Variants in SYNJ1 observed in about 807,000 individuals in gnomAD.
The protein encoded by SYNJ1 is polyphosphatidylinositol phosphatase SYNJ1.
Under a neutral mutation model 168.2 loss-of-function variants are expected in SYNJ1, and 78 were observed. The observed-to-expected ratio is 0.46, with a 90% CI of 0.39 to 0.56. The LOEUF (loss-of-function observed/expected upper bound fraction) is 0.56, where lower values mean the gene tolerates loss of function less well. SYNJ1 is among the 20% of genes least tolerant of loss of function. SYNJ1 has a pLI of 0.00. For missense variants in SYNJ1, 1,303 were observed against 1,597.6 expected, an observed-to-expected ratio of 0.82 and a Z score of 3.14; for synonymous variants, 539 against 548.6, an observed-to-expected ratio of 0.98 and a Z score of 0.24.
chr21:32,642,481 G>A (rs1019162437), intron 27 of SYNJ1, among the ~76,000 whole-genome samples: 1 of 152,166 alleles, frequency 6.6e-6, no homozygotes, highest in South Asian at 2.1e-4. Flanking sequence ...CACAAGATGC[G>A]GCACTGCTGC....
chr21:32,716,598 C>G (rs1036465867), intron 2 of SYNJ1, among the ~76,000 whole-genome samples: 1 of 152,210 alleles, frequency 6.6e-6, no homozygotes, highest in Admixed American at 6.5e-5. Context: ...CTCTGTATCA[C>G]TGGTAAACAG....
In SYNJ1 at chr21:32,644,292, C is replaced by T. The variant is rs111333040; in HGVS notation, c.3430+676G>A. ...TTTAGCTATTCTTATCACACGCAGT[C>T]ATTAAGATCTACACACAGGCAAAGT... On this transcript the variant is annotated intron_variant, in intron 26 of 32. Coordinates refer to ENST00000674351, the MANE Select transcript of SYNJ1 (RefSeq NM_203446.3). Among the ~76,000 whole-genome samples the T allele has an allele frequency of 7.4e-5, 11 of 149,592 alleles. 1 individual carries two copies. The highest frequency in any genetic ancestry group is 2.7e-4 in the African/African-American group (11 of 40,572).
chr21:32,673,611 G>A, intron 13 of SYNJ1, 80 bp from the exon 14 acceptor site: 4 of 1,255,446 alleles, frequency 3.2e-6, no homozygotes, highest in Non-Finnish European at 4.3e-6. Flanking sequence ...GAGATACGAT[G>A]TCCGCTGGAA....
intron 14 of SYNJ1, among the ~76,000 whole-genome samples, chr21:32,671,557 T>C (rs769342937): frequency 2.6e-5 from 4 of 152,218 alleles, no homozygotes; most frequent in Non-Finnish European, 4.4e-5. Flanking sequence ...ATCCTGGCTT[T>C]GCCACTACTG....
chr21:32,673,021 A>G (rs2041264766), intron 14 of SYNJ1, among the ~76,000 whole-genome samples: 2 of 152,232 alleles, frequency 1.3e-5, no homozygotes, highest in Admixed American at 1.3e-4. Context: ...AAATAAAAAC[A>G]AAACTAGATT....
chr21:32,700,533 T>C (rs1334809657), intron 3 of SYNJ1, among the ~76,000 whole-genome samples: 1 of 152,100 alleles, frequency 6.6e-6, no homozygotes, highest in Admixed American at 6.5e-5. Flanking sequence ...TGCATGCCTG[T>C]GATCCCAGCT....
At chr21:32,670,125 G>C (rs866987508) in intron 15 of SYNJ1, among the ~76,000 whole-genome samples, 163 bp downstream of exon 15, 5 of 152,112 alleles carry the variant, frequency 3.3e-5, no homozygotes, top group Non-Finnish European at 7.4e-5. Context: ...AGTGTGCAGA[G>C]AGATCCTCAG....
rs115031883 is a variant in SYNJ1 at position 32,665,895 on chromosome 21, A to T, written c.2145+48T>A. 58 of 1,502,644 alleles carry T rather than the reference A, an allele frequency of 3.9e-5. No homozygotes were observed. In the African/African-American group the frequency reaches 7.3e-4, roughly 19 times the overall value. The allele number at this position is 1,502,644 out of a possible 1,614,324, so 93.1% of individuals were successfully genotyped here. On this transcript the variant is annotated intron_variant, in intron 17 of 32. Coordinates refer to ENST00000674351, the MANE Select transcript of SYNJ1 (RefSeq NM_203446.3). Reference sequence around the variant, plus strand: ...TTGATGTAGAATTTGGGGCAAATTAAAATATATTTCAAAGCTTTATCTTCA... The same window carrying T: ...TTGATGTAGAATTTGGGGCAAATTATAATATATTTCAAAGCTTTATCTTCA...
At chr21:32,718,634 G>A (rs1302697227) in intron 2 of SYNJ1, among the ~76,000 whole-genome samples, 2 of 151,444 alleles carry the variant, frequency 1.3e-5, no homozygotes, top group Non-Finnish European at 2.9e-5. Context: ...TATCTAAAGG[G>A]CAATCATGTT....
chr21:32,714,122 A>C (rs1384380054), intron 2 of SYNJ1, among the ~76,000 whole-genome samples: 2 of 152,220 alleles, frequency 1.3e-5, no homozygotes, highest in Non-Finnish European at 2.9e-5. Flanking sequence ...TATTTTAAAA[A>C]AATACATTTG....
chr21:32,675,660 G>A (rs1459256658), intron 13 of SYNJ1, among the ~76,000 whole-genome samples: 1 of 152,074 alleles, frequency 6.6e-6, no homozygotes, highest in African/African-American at 2.4e-5. Flanking sequence ...CATTCCTTTT[G>A]CCACAGATTC....
chr21:32,720,237 C>T (rs1031627732), intron 2 of SYNJ1, among the ~76,000 whole-genome samples: 10 of 152,194 alleles, frequency 6.6e-5, no homozygotes, highest in African/African-American at 2.4e-4. Context: ...GAAACTCTCC[C>T]TCTCAAAAAC....
chr21:32,642,891 A>AAT (rs1435710196), intron 27 of SYNJ1, among the ~76,000 whole-genome samples: 1 of 152,190 alleles, frequency 6.6e-6, no homozygotes, highest in Non-Finnish European at 1.5e-5. Flanking sequence ...TCAGCCTTTT[A>AAT]ATAACTAAAA....
At position 32,631,218 on chromosome 21, in the gene SYNJ1, C is replaced by G; in HGVS notation, c.*587G>C. On this transcript the variant is annotated 3_prime_UTR_variant, in exon 33 of 33. Transcript: ENST00000674351. ...TGGCTGATTACCCAGTAAGTCTGAA[C>G]AAGCTGACTTTGACTTCCCTTTCAC... is the stretch of plus-strand genomic sequence containing the variant. 1.2e-6 allele frequency: 2 copies of G among 1,614,166 alleles called. No individual in the cohort carries two copies. Among genetic ancestry groups the G allele is most frequent in the Non-Finnish European group, 1.7e-6 (2 of 1,180,034 alleles).
rs373921995 is a variant in SYNJ1, at chr21:32,723,661, T to A, written c.124+3111A>T. Among the ~76,000 whole-genome samples, 10 of 151,888 alleles carry A rather than the reference T, an allele frequency of 6.6e-5. No homozygotes were observed. The South Asian group carries it at 2.1e-3, about 32-fold the overall frequency. ...AGGAAGCCCCCTATCTACAAAAAAA[T>A]ACGAAAAAAATTATCTGGGCATAGT... On this transcript the variant is annotated intron_variant, in intron 2 of 32. Transcript: ENST00000674351.
rs1470723215 is a variant in SYNJ1, at chr21:32,677,929, A to C, written c.1510+716T>G. Among the ~76,000 whole-genome samples the C allele has an allele frequency of 2.6e-5, 4 of 152,178 alleles. No homozygotes were observed. The South Asian group carries it at 8.3e-4, about 31-fold the overall frequency. On this transcript the variant is annotated intron_variant, in intron 12 of 32. Transcript: ENST00000674351. ...GTGCTAAAAAGTTAAAATGGAAAAAATTTATTTTGTCAATTATACCTCAAT... is the reference window on the plus strand; with the variant it reads ...GTGCTAAAAAGTTAAAATGGAAAAACTTTATTTTGTCAATTATACCTCAAT...
In SYNJ1 at chr21:32,673,334, G is replaced by A. The variant is rs1225388121; in HGVS notation, c.1726+6C>T. 2 of 1,600,348 alleles carry A rather than the reference G, an allele frequency of 1.2e-6. No homozygotes were observed. Among genetic ancestry groups the A allele is most frequent in the Admixed American group, 1.7e-5 (1 of 57,150 alleles). ...ATTAACTAAATCCATATTATAAAAA[G>A]CCAACCTTGAAACTCCTGGATGCCA... On this transcript the variant is annotated splice_donor_region_variant and intron_variant, in intron 14 of 32. Coordinates refer to ENST00000674351, the MANE Select transcript of SYNJ1 (RefSeq NM_203446.3).
At chr21:32,641,835 G>T in intron 29 of SYNJ1, 61 bp downstream of exon 29, 3 of 1,278,654 alleles carry the variant, frequency 2.3e-6, no homozygotes, top group South Asian at 1.3e-5. Flanking sequence ...TAACAAAACT[G>T]ACTAGTAGTA....
intron 2 of SYNJ1, among the ~76,000 whole-genome samples, chr21:32,715,270 C>A (rs1208381537): frequency 6.6e-6 from 1 of 152,006 alleles, no homozygotes; most frequent in African/African-American, 2.4e-5. Context: ...GTCAGGAGTT[C>A]GAGACCAGCC....
Sources: gnomAD v4.1 joint callset for allele counts (sites outside exome capture counted in the v4.1 genomes callset) on GRCh38, gnomAD v4.1.1 for gene constraint, MANE v1.5 for transcripts, NCBI Gene and HGNC (gene_info 2026-07-23, HGNC 2026-07-21) for gene names.